The following TRIM42 variants were observed in gnomAD, a reference collection of about 807,000 sequenced individuals.
The protein encoded by TRIM42 is tripartite motif-containing protein 42.
In TRIM42, 59 loss-of-function variants were observed where a neutral mutation model predicts 64.9. That is an observed-to-expected ratio of 0.91 (90% confidence interval 0.74 to 1.13). The LOEUF is 1.13. Among genes scored for constraint, TRIM42 ranks in the 50% most tolerant of loss-of-function variants. The pLI is 0.00. For synonymous variants in TRIM42, 354 were observed against 346.3 expected (o/e 1.02, Z -0.25); for missense variants, 878 against 929.5 (o/e 0.94, Z 0.72).
rs145744276 is a variant in TRIM42 at position 140,691,056 on chromosome 3, T to C, written c.1949T>C (p.Met650Thr). The C allele has an allele frequency of 2.2e-5, 35 of 1,613,970 alleles. No homozygotes were observed. Among genetic ancestry groups the C allele is most frequent in the Non-Finnish European group, 2.7e-5 (32 of 1,180,006 alleles). Residue 650 changes from methionine to threonine, a missense_variant, in exon 4 of 5, where the codon ATG (methionine) becomes ACG (threonine). By Grantham distance (81) the Met-to-Thr change is moderately conservative (BLOSUM62 -1). Transcript: ENST00000286349. ...VITSPPNNVQ[M>T]ELCGQIRDIM... ...ACTTCTCCTCCTAACAACGTACAAA[T>C]GGAGCTCTGTGGACAAATTCGGGAC...
At chr3:140,692,562 C>CACACACACACACACACACAGAGAG (rs375439126) in intron 4 of TRIM42, among the ~76,000 whole-genome samples, 57 of 114,186 alleles carry the variant, frequency 5.0e-4, no homozygotes, top group African/African-American at 1.2e-3. Context: ...CACACACACA[C>CACACACACACACACACACAGAGAG]AGAGAGAGAT....
rs767115520 is a variant in TRIM42, at chr3:140,688,243, A to G, written c.1561A>G (p.Thr521Ala). 1 of 1,614,164 alleles carries G rather than the reference A, an allele frequency of 6.2e-7. No homozygotes were observed. The highest frequency in any genetic ancestry group is 1.1e-5 in the South Asian group (1 of 91,088). The change falls in exon 3 of 5, where the codon ACT becomes GCT. Residue 521 changes from threonine (T) to alanine (A), a missense_variant. Coordinates refer to ENST00000286349, the MANE Select transcript of TRIM42 (RefSeq NM_152616.5). ...HSETMIARKV[T>A]FSTHSLGNQH... ...AGAAACAATGATTGCCAGGAAGGTC[A>G]CTTTCAGCACCCACAGCCTCGGCAA...
intron 4 of TRIM42, among the ~76,000 whole-genome samples, chr3:140,695,883 G>C (rs992302891): frequency 3.9e-5 from 6 of 152,116 alleles, no homozygotes; most frequent in Non-Finnish European, 2.9e-5. Flanking sequence ...CAGTGACTCC[G>C]TGCCCTAAAA....
intron 4 of TRIM42, among the ~76,000 whole-genome samples, chr3:140,696,942 T>G (rs2107767854): frequency 6.6e-6 from 1 of 152,240 alleles, no homozygotes; most frequent in Non-Finnish European, 1.5e-5. Flanking sequence ...TGAGTGAAAT[T>G]TCTAGGCCAT....
chr3:140,691,069 A>G lies in TRIM42; in HGVS notation c.1962A>G (p.Gly654=). 2 of 1,614,140 alleles carry G rather than the reference A, an allele frequency of 1.2e-6. No individual in the cohort carries two copies. Among genetic ancestry groups the G allele is most frequent in the Non-Finnish European group, 1.7e-6 (2 of 1,180,002 alleles). The change falls in exon 4 of 5, where the codon GGA becomes GGG. Residue 654 remains glycine (G), a synonymous_variant. Transcript: ENST00000286349. ...ACAACGTACAAATGGAGCTCTGTGG[A>G]CAAATTCGGGACATAATGCAGCAAA... ...PPNNVQMELC[G]QIRDIMQQNL...
At chr3:140,681,887 AG>A (rs1370287007) in intron 1 of TRIM42, among the ~76,000 whole-genome samples, 1 of 151,380 alleles carries the variant, frequency 6.6e-6, no homozygotes, top group East Asian at 2.0e-4. Context: ...AAAATCAACT[AG>A]GTTTTTTGGT....
rs143388392 is a variant in TRIM42 at position 140,682,531 on chromosome 3, C to A, written c.411C>A (p.Asn137Lys). The change falls in exon 2 of 5, where the codon AAC becomes AAA. Residue 137 changes from asparagine (N) to lysine (K), a missense_variant. Physicochemically the swap from Asn to Lys is moderately conservative, Grantham distance 94. Coordinates refer to ENST00000286349, the MANE Select transcript of TRIM42 (RefSeq NM_152616.5). Reference sequence around the variant, plus strand: ...ATGAAGTAAAGTCAATACCAGCCAACAGTCACCTGGTGAACCACCTCAATT... The same window carrying A: ...ATGAAGTAAAGTCAATACCAGCCAAAAGTCACCTGGTGAACCACCTCAATT... ...QVDEVKSIPA[N>K]SHLVNHLNCP... The A allele has an allele frequency of 3.3e-4, 531 of 1,614,276 alleles. 3 individuals carry two copies. In the African/African-American group the frequency reaches 6.4e-3, roughly 20 times the overall value.
At chr3:140,697,839 A>G (rs1576422784) in intron 4 of TRIM42, among the ~76,000 whole-genome samples, 1 of 152,096 alleles carries the variant, frequency 6.6e-6, no homozygotes, top group South Asian at 2.1e-4. Flanking sequence ...GCCCGCCACC[A>G]CGCCCGGCTA....
chr3:140,697,366 T>C (rs1045446185), intron 4 of TRIM42, among the ~76,000 whole-genome samples: 1 of 152,196 alleles, frequency 6.6e-6, no homozygotes, highest in East Asian at 1.9e-4. Flanking sequence ...ATCAATTATT[T>C]TTTCTTTATA....
At chr3:140,694,123 G>A (rs1048844893) in intron 4 of TRIM42, among the ~76,000 whole-genome samples, 9 of 152,180 alleles carry the variant, frequency 5.9e-5, no homozygotes, top group African/African-American at 2.2e-4. Context: ...CTGGAACAGG[G>A]TAGGCTCAGC....
In TRIM42 at chr3:140,682,667, T is replaced by A. The variant is rs1034820223; in HGVS notation, c.547T>A (p.Phe183Ile). ...LQKHAEVTEN[F>I]FILICPVCDR... ...GAAGCACGCCGAGGTCACCGAGAACTTCTTCATCCTCATCTGCCCAGTGTG... is the reference window on the plus strand; with the variant it reads ...GAAGCACGCCGAGGTCACCGAGAACATCTTCATCCTCATCTGCCCAGTGTG... Residue 183 changes from phenylalanine (F) to isoleucine (I), a missense_variant, in exon 2 of 5, where the codon TTC becomes ATC. Physicochemically the swap from Phe to Ile is conservative, Grantham distance 21. Coordinates refer to ENST00000286349, the MANE Select transcript of TRIM42 (RefSeq NM_152616.5). 6.2e-7 allele frequency: 1 copy of A among 1,613,086 alleles called. No individual in the cohort carries two copies. Among genetic ancestry groups the A allele is most frequent in the Non-Finnish European group, 8.5e-7 (1 of 1,180,000 alleles).
chr3:140,680,589 C>T (rs1163477518), intron 1 of TRIM42: 1 of 745,222 alleles, frequency 1.3e-6, no homozygotes, highest in African/African-American at 1.9e-5. Context: ...CCTTGATTCT[C>T]CAGGCCTTAC....
At position 140,678,183 on chromosome 3, in the gene TRIM42, G is replaced by C. The variant is rs761923705; in HGVS notation, c.-47G>C. ...GAACTGATAGCAGTATTCTGGTAGAGGAGGCATCAAGAGTCCTGGGAGGCC... is the reference window on the plus strand; with the variant it reads ...GAACTGATAGCAGTATTCTGGTAGACGAGGCATCAAGAGTCCTGGGAGGCC... On this transcript the variant is annotated 5_prime_UTR_variant, in exon 1 of 5. Transcript: ENST00000286349. 1 of 1,503,516 alleles carries C rather than the reference G, an allele frequency of 6.7e-7. No homozygotes were observed. Among genetic ancestry groups the C allele is most frequent in the Non-Finnish European group, 9.2e-7 (1 of 1,088,402 alleles). 93.1% of individuals were successfully genotyped at this position (1,503,516 alleles called of 1,614,324 possible).
intron 2 of TRIM42, among the ~76,000 whole-genome samples, chr3:140,685,367 A>G (rs1240873906): frequency 1.3e-5 from 2 of 152,216 alleles, no homozygotes; most frequent in East Asian, 3.8e-4. Flanking sequence ...ATGTGATTCT[A>G]TGGTGCAGCC....
At chr3:140,699,363 TG>T (rs1334948802) in intron 4 of TRIM42, among the ~76,000 whole-genome samples, 1 of 152,258 alleles carries the variant, frequency 6.6e-6, no homozygotes, top group Non-Finnish European at 1.5e-5. Flanking sequence ...GGAAACTTTT[TG>T]CTCTTCTATT....
At position 140,688,392 on chromosome 3, in the gene TRIM42, C is replaced by T; in HGVS notation, c.1710C>T (p.Gly570=). ...QSATPAKPTD[G]LYTYWSAGAD... is the part of the protein sequence containing the mutation. ...CCACCCCCGCCAAACCCACAGACGG[C>T]CTCTACACCTACTGGAGTGCTGGAG... The change falls in exon 3 of 5, where the codon GGC becomes GGT. Residue 570 remains glycine, a synonymous_variant. Transcript: ENST00000286349. The T allele has an allele frequency of 6.2e-7, 1 of 1,614,196 alleles. No individual in the cohort carries two copies. The highest frequency in any genetic ancestry group is 1.1e-5 in the South Asian group (1 of 91,080).
rs113796507 is a variant in TRIM42, at chr3:140,687,128, G to A, written c.1040-594G>A. ...CAGCAGACTCTTTTTTGAAAGGAGT[G>A]GGGGAAAGGCAAGGAGAAGTGACAT... On this transcript the variant is annotated intron_variant, in intron 2 of 4. Coordinates refer to ENST00000286349, the MANE Select transcript of TRIM42 (RefSeq NM_152616.5). Among the ~76,000 whole-genome samples, 70 of 152,180 alleles carry A rather than the reference G, an allele frequency of 4.6e-4. No individual in the cohort carries two copies. In the Middle Eastern group the frequency reaches 0.024, roughly 52 times the overall value.
chr3:140,680,707 A>G (rs1322689142), intron 1 of TRIM42: 2 of 985,276 alleles, frequency 2.0e-6, no homozygotes, highest in East Asian at 2.3e-4. Flanking sequence ...CAGAGAGGAA[A>G]TAGAGGTGAG....
rs1988255402 is a variant in TRIM42 at position 140,678,241 on chromosome 3, T to A, written c.12T>A (p.Ala4=). The A allele has an allele frequency of 6.2e-7, 1 of 1,613,676 alleles. No individual in the cohort carries two copies. Among genetic ancestry groups the A allele is most frequent in the Non-Finnish European group, 8.5e-7 (1 of 1,179,692 alleles). ...ATCATGTAGGCACCATGGAAACTGC[T>A]ATGTGCGTTTGCTGTCCATGTTGTA... The part of the protein sequence containing the change: MET[A]MCVCCPCCTW... Residue 4 remains alanine, a synonymous_variant, in exon 1 of 5, where the codon GCT becomes GCA. Coordinates refer to ENST00000286349, the MANE Select transcript of TRIM42 (RefSeq NM_152616.5).
Sources: allele counts gnomAD v4.1 joint callset (sites outside exome capture counted in the v4.1 genomes callset), GRCh38; gene constraint gnomAD v4.1.1; transcripts MANE v1.5; gene names NCBI Gene and HGNC (gene_info 2026-07-23, HGNC 2026-07-21).